Variants in GLYATL1 observed in about 807,000 individuals in gnomAD.
The protein encoded by GLYATL1 is glycine-N-acyltransferase like 1.
Under a neutral mutation model 20.0 loss-of-function variants are expected in GLYATL1, and 15 were observed. That is an observed-to-expected ratio of 0.75 (90% CI 0.50 to 1.15). The LOEUF is 1.15. Among genes scored for constraint, GLYATL1 ranks in the 50% most tolerant of loss-of-function variants. GLYATL1 has a pLI of 0.00. For missense variants in GLYATL1, 380 were observed against 368.5 expected (o/e 1.03, Z -0.26); for synonymous variants, 151 against 131.5 (o/e 1.15, Z -1.01).
intron 3 of GLYATL1, 98 bp downstream of exon 3, chr11:58,947,263 G>A (rs994862269): frequency 4.1e-6 from 6 of 1,471,006 alleles, no homozygotes; most frequent in African/African-American, 2.8e-5. Flanking sequence ...TGTTTGCAGA[G>A]GGTTGGAGCT....
chr11:58,905,747 T>C (rs914501285), intron 1 of GLYATL1: 1 of 5,446 alleles, frequency 1.8e-4, no homozygotes. Flanking sequence ...ATAGGGAGGG[T>C]GGGCGGGTGG....
chr11:58,924,593 T>C (rs1376307667), upstream of GLYATL1, among the ~76,000 whole-genome samples: 1 of 152,244 alleles, frequency 6.6e-6, no homozygotes, highest in African/African-American at 2.4e-5. Flanking sequence ...CGGTATCATG[T>C]CTTTTTGATT....
At chr11:58,911,953 T>G (rs540196997), downstream of GLYATL1, among the ~76,000 whole-genome samples, 13 of 152,346 alleles carry the variant, frequency 8.5e-5, no homozygotes, top group African/African-American at 3.1e-4. Context: ...TAGTTTTATA[T>G]TTAAGTCTGT....
intron 5 of GLYATL1, 32 bp downstream of exon 5, chr11:58,954,928 G>C (rs1328323144): frequency 1.3e-6 from 2 of 1,592,918 alleles, no homozygotes; most frequent in South Asian, 2.3e-5. Context: ...GCAAGCAGCT[G>C]TGCTTCTCAA....
intron 2 of GLYATL1, among the ~76,000 whole-genome samples, chr11:58,945,242 C>A (rs761375348): frequency 6.6e-6 from 1 of 151,892 alleles, no homozygotes; most frequent in Admixed American, 6.5e-5. Flanking sequence ...TCCTTTACAA[C>A]GATTTTTTTA....
At chr11:58,921,412 G>A (rs932334423) in intron 1 of GLYATL1, among the ~76,000 whole-genome samples, 1 of 152,120 alleles carries the variant, frequency 6.6e-6, no homozygotes, top group Non-Finnish European at 1.5e-5. Flanking sequence ...GAAGGAGCCC[G>A]GTCTGTCTGA....
At position 58,931,840 on chromosome 11, in the gene GLYATL1, A is replaced by C. The variant is rs149124593; in HGVS notation, c.-212+4011A>C. On this transcript the variant is annotated intron_variant, in intron 1 of 7. Coordinates refer to the GLYATL1 transcript ENST00000317391. Reference sequence around the variant, plus strand: ...TAGAATTAATACTAAAAAGAAAAATAATCCAGTAGAAAAATTTGCAAAACA... The same window carrying C: ...TAGAATTAATACTAAAAAGAAAAATCATCCAGTAGAAAAATTTGCAAAACA... 2.3e-3 allele frequency among the ~76,000 whole-genome samples: 357 copies of C among 152,286 alleles called. 1 individual carries two copies. The highest frequency in any genetic ancestry group is 8.1e-3 in the African/African-American group (338 of 41,560).
exon 2 of GLYATL1, chr11:58,907,280 T>A (rs1364082593): frequency 4.4e-6 from 2 of 456,194 alleles, no homozygotes; most frequent in Non-Finnish European, 8.8e-6. Flanking sequence ...TCTTGTCACC[T>A]TGGTCTCTCA....
chr11:58,908,452 G>A (rs908324678), exon 2 of GLYATL1: 3 of 185,014 alleles, frequency 1.6e-5, no homozygotes, highest in East Asian at 1.4e-4. Flanking sequence ...TAGTTATATT[G>A]TCTTTGAACT....
intron 1 of GLYATL1, among the ~76,000 whole-genome samples, chr11:58,930,793 T>C (rs1245262062): frequency 9.2e-5 from 14 of 152,196 alleles, no homozygotes; most frequent in African/African-American, 3.1e-4. Flanking sequence ...TTGGTGAATA[T>C]ACAGAAAAAT....
chr11:58,939,133 C>A (rs1855971024), upstream of GLYATL1, among the ~76,000 whole-genome samples: 2 of 152,102 alleles, frequency 1.3e-5, no homozygotes, highest in African/African-American at 4.8e-5. Flanking sequence ...TAGTAAAGGA[C>A]CCCTACGTCC....
At chr11:58,928,004 T>C (rs1028585032) in intron 1 of GLYATL1, among the ~76,000 whole-genome samples, 1 of 152,198 alleles carries the variant, frequency 6.6e-6, no homozygotes, top group Non-Finnish European at 1.5e-5. Context: ...TACTGGGACT[T>C]GCTGCCTTTG....
chr11:58,948,771 G>T lies in GLYATL1; in HGVS notation c.186+806G>T, dbSNP rs150540827. ...GTTATCATCAGAACAATCTTATGAAGTGAGCATTAATATCTCCAATTTACA... is the reference window on the plus strand; with the variant it reads ...GTTATCATCAGAACAATCTTATGAATTGAGCATTAATATCTCCAATTTACA... On this transcript the variant is annotated intron_variant, in intron 4 of 6. Transcript: ENST00000532726. Among the ~76,000 whole-genome samples the T allele has an allele frequency of 3.5e-4, 53 of 152,352 alleles. 1 individual carries two copies. The highest frequency in any genetic ancestry group is 7.2e-4 in the Admixed American group (11 of 15,312).
chr11:58,921,417 G>A (rs189936463), intron 1 of GLYATL1, among the ~76,000 whole-genome samples: 29 of 152,294 alleles, frequency 1.9e-4, no homozygotes, highest in Non-Finnish European at 3.7e-4. Flanking sequence ...AGCCCGGTCT[G>A]TCTGAGACCT....
At chr11:58,925,002 A>G (rs1275011861), upstream of GLYATL1, among the ~76,000 whole-genome samples, 1 of 152,174 alleles carries the variant, frequency 6.6e-6, no homozygotes, top group African/African-American at 2.4e-5. Context: ...CCTTAGCATA[A>G]TGTGTGAGGC....
chr11:58,919,589 G>A (rs149582725), intron 1 of GLYATL1, among the ~76,000 whole-genome samples: 77 of 152,120 alleles, frequency 5.1e-4, no homozygotes, highest in African/African-American at 1.5e-3. Context: ...GTTACCTCTC[G>A]TTTCTTCTCT....
At chr11:58,922,009 C>G (rs563370) in intron 1 of GLYATL1, among the ~76,000 whole-genome samples, 72,795 of 152,040 alleles carry the variant, frequency 0.48, 17,513 homozygotes, top group East Asian at 0.58. Context: ...GAGATTTTCC[C>G]CACATTGATT....
chr11:58,920,698 T>C (rs1016257159), intron 1 of GLYATL1, among the ~76,000 whole-genome samples: 1 of 152,222 alleles, frequency 6.6e-6, no homozygotes, highest in African/African-American at 2.4e-5. Flanking sequence ...TATGCTGGGA[T>C]TCTCACATAG....
At chr11:58,910,433 C>A, downstream of GLYATL1, among the ~76,000 whole-genome samples, 1 of 152,106 alleles carries the variant, frequency 6.6e-6, no homozygotes. Flanking sequence ...TAACTAAAAT[C>A]AAATAATGAA....
Sources: allele counts gnomAD v4.1 joint callset (sites outside exome capture counted in the v4.1 genomes callset), GRCh38; gene constraint gnomAD v4.1.1; transcripts MANE v1.5; gene names NCBI Gene and HGNC (gene_info 2026-07-23, HGNC 2026-07-21).